The following TAS2R10 variants were observed in gnomAD, a reference collection of about 807,000 sequenced individuals.
TAS2R10 encodes taste receptor type 2 member 10.
For synonymous variants in TAS2R10, 144 were observed against 126.6 expected, an observed-to-expected ratio of 1.14 and a Z score of -0.92; for missense variants, 385 against 362.0, an observed-to-expected ratio of 1.06 and a Z score of -0.52.
At chr12:10,826,146 T>C (rs2135725440) in exon 1 of TAS2R10, 10 of 1,613,534 alleles carry the variant, frequency 6.2e-6, no homozygotes, top group Non-Finnish European at 8.5e-6. Context: ...AAGCCAATCG[T>C]AGATAACTTA....
In TAS2R10 at chr12:10,826,032, G is replaced by A. The variant is rs776949754; in HGVS notation, c.238C>T (p.Leu80=). The A allele has an allele frequency of 2.5e-6, 4 of 1,613,286 alleles. No individual in the cohort carries two copies. In the Admixed American group the frequency reaches 5.0e-5, roughly 20 times the overall value. The change falls in exon 1 of 1, where the codon CTA becomes TTA. Residue 80 remains leucine, a synonymous_variant. Coordinates refer to ENST00000240619, the Ensembl canonical transcript of TAS2R10. ...CAAAAGTAACTAATATATTCAATTA[G>A]GTTACCGGAGGCATATATATTTGGA...
At position 10,826,325 on chromosome 12, in the gene TAS2R10, G is replaced by T; in HGVS notation, c.-56C>A. The T allele has an allele frequency of 7.7e-7, 1 of 1,295,586 alleles. No homozygotes were observed. The highest frequency in any genetic ancestry group is 1.1e-6 in the Non-Finnish European group (1 of 935,492). 80.3% of individuals were successfully genotyped at this position (1,295,586 alleles called of 1,614,324 possible). A position where few individuals can be genotyped will look rare whatever the true frequency, so the allele number is the denominator to read the frequency against. The stretch of plus-strand genomic sequence containing the variant: ...CATCTATCTTAGATTACCTGCTGCA[G>T]AATGAGGCATATATTGGCTGCTCGA... On this transcript the variant is annotated 5_prime_UTR_variant, in exon 1 of 1. It adds an upstream start codon to the 5' untranslated region. Transcript: ENST00000240619.
downstream of TAS2R10, chr12:10,825,250 A>T (rs1948855180): frequency 3.9e-5 from 37 of 950,336 alleles, no homozygotes; most frequent in South Asian, 6.1e-4. Context: ...TGACACAGTT[A>T]AAAAGACAAT....
At chr12:10,825,871 T>C in exon 1 of TAS2R10, 1 of 1,613,014 alleles carries the variant, frequency 6.2e-7, no homozygotes, top group East Asian at 2.2e-5. Flanking sequence ...GTAAGAATAC[T>C]ATCATGAAGG....
exon 1 of TAS2R10, chr12:10,825,770 T>C (rs1317709962): frequency 1.9e-6 from 3 of 1,613,432 alleles, no homozygotes; most frequent in African/African-American, 1.3e-5. Context: ...TTCACTTTTA[T>C]ACATGTTGAG....
chr12:10,825,569 A>G (rs114006371), exon 1 of TAS2R10: 1 of 1,613,710 alleles, frequency 6.2e-7, no homozygotes, highest in Admixed American at 1.7e-5. Flanking sequence ...GATAAAGAGG[A>G]TGATGAAAGA....
At chr12:10,826,351 C>A (rs988916407) in exon 1 of TAS2R10, 2 of 987,952 alleles carry the variant, frequency 2.0e-6, no homozygotes, top group Admixed American at 2.5e-5. Context: ...GGCTGCTCGA[C>A]GGAAGTGTGA....
At chr12:10,826,115 A>C in exon 1 of TAS2R10, 1 of 1,613,494 alleles carries the variant, frequency 6.2e-7, no homozygotes, top group Non-Finnish European at 8.5e-7. Flanking sequence ...AATTCTTGAA[A>C]TAGCTAAGCC....
exon 1 of TAS2R10, chr12:10,825,590 T>G: frequency 6.2e-7 from 1 of 1,613,710 alleles, no homozygotes; most frequent in Non-Finnish European, 8.5e-7. Flanking sequence ...TATCAAAACT[T>G]TCATTGCCTT....
exon 1 of TAS2R10, chr12:10,825,622 G>A: frequency 6.2e-7 from 1 of 1,613,820 alleles, no homozygotes; most frequent in African/African-American, 1.3e-5. Flanking sequence ...CTGTGTTGGA[G>A]TCTCTCAATC....
rs201008493 is a variant in TAS2R10 at position 10,825,662 on chromosome 12, T to C, written c.608A>G (p.His203Arg). The C allele has an allele frequency of 5.5e-5, 88 of 1,613,752 alleles. No individual in the cohort carries two copies. The highest frequency in any genetic ancestry group is 7.2e-5 in the Non-Finnish European group (85 of 1,179,780). ...CACATTCGATTGCATCTGCCTGTTG[T>C]GTCTCCAAAGGGAAATGATTAAAAA... The change falls in exon 1 of 1, where the codon CAC (histidine) becomes CGC (arginine). Residue 203 changes from histidine to arginine, a missense_variant. Coordinates refer to ENST00000240619, the Ensembl canonical transcript of TAS2R10.
chr12:10,826,196 C>T (rs1488752105), exon 1 of TAS2R10: 1 of 1,613,348 alleles, frequency 6.2e-7, no homozygotes, highest in South Asian at 1.1e-5. Context: ...TCCAATAAAT[C>T]CATTCCCCAA....
In TAS2R10 at chr12:10,826,062, A is replaced by C. The variant is rs748991659; in HGVS notation, c.208T>G (p.Phe70Val). 81 of 1,612,984 alleles carry C rather than the reference A, an allele frequency of 5.0e-5. No homozygotes were observed. The highest frequency in any genetic ancestry group is 2.3e-4 in the Admixed American group (14 of 59,834). ...CCGGAGGCATATATATTTGGAGAGA[A>C]TATCTGTATAAATCCATCTGTAATT... The change falls in exon 1 of 1, where the codon TTC becomes GTC. Residue 70 changes from phenylalanine (F) to valine (V), a missense_variant. By Grantham distance (50) the Phe-to-Val change is conservative (BLOSUM62 -1). Coordinates refer to ENST00000240619, the Ensembl canonical transcript of TAS2R10.
chr12:10,826,265 A>T, exon 1 of TAS2R10: 1 of 1,598,512 alleles, frequency 6.3e-7, no homozygotes, highest in Admixed American at 1.7e-5. Flanking sequence ...CACTACACGT[A>T]GCATATCTGC....
exon 1 of TAS2R10, chr12:10,826,350 A>G (rs949360269): frequency 2.1e-5 from 21 of 1,012,448 alleles, no homozygotes; most frequent in Non-Finnish European, 2.7e-5. Flanking sequence ...TGGCTGCTCG[A>G]CGGAAGTGTG....
exon 1 of TAS2R10, chr12:10,825,708 G>A (rs1011794180): frequency 1.2e-6 from 2 of 1,613,416 alleles, no homozygotes; most frequent in Non-Finnish European, 8.5e-7. Context: ...ATTAGGGATA[G>A]TGTAAAGAAG....
chr12:10,825,841 A>C (rs756941600), exon 1 of TAS2R10: 6 of 1,612,616 alleles, frequency 3.7e-6, no homozygotes, highest in Non-Finnish European at 5.1e-6. Context: ...TGTATGCAAA[A>C]TTAAGTAACG....
exon 1 of TAS2R10, chr12:10,825,692 C>G (rs1214931258): frequency 6.2e-7 from 1 of 1,613,486 alleles, no homozygotes; most frequent in Non-Finnish European, 8.5e-7. Context: ...TAAAAAAATA[C>G]ATGTAATTAG....
rs761603762 is a variant in TAS2R10 at position 10,826,042 on chromosome 12, G to A, written c.228C>T (p.Ala76=). 5.6e-6 allele frequency: 9 copies of A among 1,613,050 alleles called. No individual in the cohort carries two copies. In the East Asian group the frequency reaches 1.3e-4, roughly 24 times the overall value. The change falls in exon 1 of 1, where the codon GCC becomes GCT. Residue 76 remains alanine (A), a synonymous_variant. Transcript: ENST00000240619. ...TAATATATTCAATTAGGTTACCGGAGGCATATATATTTGGAGAGAATATCT... is the reference window on the plus strand; with the variant it reads ...TAATATATTCAATTAGGTTACCGGAAGCATATATATTTGGAGAGAATATCT...
Sources: allele counts gnomAD v4.1 joint callset, GRCh38; gene constraint gnomAD v4.1.1; transcripts MANE v1.5; gene names NCBI Gene and HGNC (gene_info 2026-07-23, HGNC 2026-07-21).